The following CDH4 variants were observed in gnomAD, a reference collection of about 807,000 sequenced individuals.
CDH4 encodes cadherin-4.
In CDH4, 33 loss-of-function variants were observed where a neutral mutation model predicts 86.0. The observed-to-expected ratio is 0.38, with a 90% confidence interval of 0.29 to 0.51. The LOEUF is 0.51. Among genes scored for constraint, CDH4 ranks in the 20% least tolerant of loss-of-function variants. The pLI, the probability that CDH4 is intolerant of heterozygous loss-of-function variation, is 0.86. For synonymous variants in CDH4, 555 were observed against 549.4 expected (o/e 1.01, Z -0.14); for missense variants, 1,114 against 1,307.4 (o/e 0.85, Z 2.28).
chr20:61,424,174 C>A (rs1359620190), intron 2 of CDH4, among the ~76,000 whole-genome samples: 1 of 151,522 alleles, frequency 6.6e-6, no homozygotes, highest in African/African-American at 2.4e-5. Flanking sequence ...ACATATGTAT[C>A]CACACATAGC....
intron 15 of CDH4, among the ~76,000 whole-genome samples, chr20:61,935,761 C>T (rs943512960): frequency 9.2e-5 from 14 of 152,172 alleles, no homozygotes; most frequent in Admixed American, 4.6e-4. Flanking sequence ...GTGGCGGGCA[C>T]CTGTAATCCC....
At chr20:61,390,477 A>G (rs148932679) in intron 2 of CDH4, among the ~76,000 whole-genome samples, 261 of 112,098 alleles carry the variant, frequency 2.3e-3, no homozygotes, top group African/African-American at 6.8e-3. Flanking sequence ...TCGTACAGTC[A>G]TAGGGTGCCC....
At position 61,313,238 on chromosome 20, in the gene CDH4, G is replaced by A. The variant is rs147472728; in HGVS notation, c.169+58301G>A. 7.4e-3 allele frequency among the ~76,000 whole-genome samples: 1,129 copies of A among 152,238 alleles called. 6 individuals are homozygous for A. Among genetic ancestry groups the A allele is most frequent in the African/African-American group, 0.025 (1,055 of 41,540 alleles). On this transcript the variant is annotated intron_variant, in intron 2 of 15. Coordinates refer to ENST00000614565, the MANE Select transcript of CDH4 (RefSeq NM_001794.5). ...CCCGAGTGTCTGATGAGGGATTTGC[G>A]GAGTGGTTCAGCATGCTTCACTGTG...
At chr20:61,889,459 GGATGGATGGATA>G (rs1382822066) in intron 7 of CDH4, among the ~76,000 whole-genome samples, 14 of 102,902 alleles carry the variant, frequency 1.4e-4, no homozygotes, top group Middle Eastern at 4.9e-3. Flanking sequence ...ATGGATGGAT[GGATGGATGGATA>G]GATGATGGAT....
At chr20:61,805,631 C>A (rs16985610) in intron 4 of CDH4, among the ~76,000 whole-genome samples, 1 of 152,174 alleles carries the variant, frequency 6.6e-6, no homozygotes, top group African/African-American at 2.4e-5. Context: ...GGGGAGCATT[C>A]GACTGCCTGA....
chr20:61,525,190 G>C (rs971300919), intron 2 of CDH4, among the ~76,000 whole-genome samples: 8 of 152,296 alleles, frequency 5.3e-5, no homozygotes, highest in South Asian at 2.1e-4. Context: ...ATTTAGCTCA[G>C]CTGGAAGGTT....
chr20:61,352,859 C>T (rs1012042507), intron 2 of CDH4, among the ~76,000 whole-genome samples: 7 of 152,112 alleles, frequency 4.6e-5, no homozygotes, highest in Admixed American at 6.5e-5. Flanking sequence ...CCCATCACCC[C>T]GTGCACCTGT....
At chr20:61,904,589 C>T (rs2054768136) in intron 8 of CDH4, among the ~76,000 whole-genome samples, 1 of 152,208 alleles carries the variant, frequency 6.6e-6, no homozygotes, top group South Asian at 2.1e-4. Context: ...TGGGCACCGA[C>T]CCTGTACCAG....
intron 6 of CDH4, among the ~76,000 whole-genome samples, chr20:61,857,592 T>C (rs547459866): frequency 6.6e-6 from 1 of 152,382 alleles, no homozygotes; most frequent in Admixed American, 6.5e-5. Flanking sequence ...TTCGCAGCCC[T>C]CACTCCGTCC....
rs572251590 is a variant in CDH4 at position 61,606,776 on chromosome 20, C to T, written c.170-136787C>T. Among the ~76,000 whole-genome samples the T allele has an allele frequency of 1.9e-4, 29 of 152,354 alleles. No homozygotes were observed. In the East Asian group the frequency reaches 5.0e-3, roughly 26 times the overall value. Reference sequence around the variant, plus strand: ...GGGGTCTAAATGTTGTAAGTGGAAACAAAGCAAATTTCTAATTTGCCTGAG... The same window carrying T: ...GGGGTCTAAATGTTGTAAGTGGAAATAAAGCAAATTTCTAATTTGCCTGAG... On this transcript the variant is annotated intron_variant, in intron 2 of 15. Coordinates refer to ENST00000614565, the MANE Select transcript of CDH4 (RefSeq NM_001794.5).
chr20:61,798,379 TGTGG>T (rs1158933465), intron 4 of CDH4, among the ~76,000 whole-genome samples: 1 of 152,234 alleles, frequency 6.6e-6, no homozygotes. Flanking sequence ...CAGAATGGGC[TGTGG>T]GTCCTCAGCC....
intron 2 of CDH4, among the ~76,000 whole-genome samples, chr20:61,258,339 A>AAAAAAAAAG (rs1555830539): frequency 4.3e-5 from 6 of 139,216 alleles, no homozygotes; most frequent in Non-Finnish European, 7.7e-5. Flanking sequence ...CAAAAAAAAA[A>AAAAAAAAAG]AAAAAAGAAA....
intron 2 of CDH4, among the ~76,000 whole-genome samples, chr20:61,581,452 C>G (rs556910265): frequency 1.3e-5 from 2 of 152,168 alleles, no homozygotes; most frequent in Non-Finnish European, 2.9e-5. Flanking sequence ...TTCCTGGGCT[C>G]CTGGCCCCTC....
At chr20:61,731,145 A>AG (rs2088178012) in intron 2 of CDH4, among the ~76,000 whole-genome samples, 1 of 151,964 alleles carries the variant, frequency 6.6e-6, no homozygotes, top group Non-Finnish European at 1.5e-5. Context: ...GCAGAGCATG[A>AG]GGGCGTCCGA....
Position 61,923,598 on chromosome 20 carries a change from C to T in CDH4, c.1522C>T (p.Pro508Ser). 2 of 1,614,198 alleles carry T rather than the reference C, an allele frequency of 1.2e-6. No homozygotes were observed. Among genetic ancestry groups the T allele is most frequent in the Non-Finnish European group, 1.7e-6 (2 of 1,180,024 alleles). ...GGACATCAACGAGGCTCCCTACTTC[C>T]CCTCAAACCACAAGCTGATCCGCCT... ...IMDINEAPYF[P>S]SNHKLIRLEE... is the part of the protein sequence containing the mutation. The change falls in exon 10 of 16, where the codon CCC becomes TCC. Residue 508 changes from proline to serine, a missense_variant. Around this residue, in one of 3 missense-constraint regions of CDH4, gnomAD observed 705 missense variants for 914.1 expected, o/e 0.77. Coordinates refer to ENST00000614565, the MANE Select transcript of CDH4 (RefSeq NM_001794.5).
intron 5 of CDH4, among the ~76,000 whole-genome samples, chr20:61,848,777 G>T (rs144167833): frequency 6.6e-6 from 1 of 152,062 alleles, no homozygotes; most frequent in Non-Finnish European, 1.5e-5. Flanking sequence ...ATCTGCCTGC[G>T]TCAGCCTCCC....
At chr20:61,891,451 G>A (rs1776253) in intron 7 of CDH4, among the ~76,000 whole-genome samples, 135,556 of 152,302 alleles carry the variant, frequency 0.89, 60,898 homozygotes, top group Non-Finnish European at 0.94. Flanking sequence ...CCCTGCAGGA[G>A]CTCTGAGTGC....
chr20:61,257,719 T>C (rs1451004026), intron 2 of CDH4, among the ~76,000 whole-genome samples: 1 of 152,250 alleles, frequency 6.6e-6, no homozygotes, highest in Non-Finnish European at 1.5e-5. Context: ...TCTGGGGTGA[T>C]GGCTAAGCTG....
At chr20:61,576,967 A>T (rs938560508) in intron 2 of CDH4, among the ~76,000 whole-genome samples, 6 of 152,248 alleles carry the variant, frequency 3.9e-5, no homozygotes, top group African/African-American at 1.4e-4. Flanking sequence ...TGCAGTAGGA[A>T]ATTAAAAAGC....
Sources: gnomAD v4.1 joint callset for allele counts (sites outside exome capture counted in the v4.1 genomes callset) on GRCh38, gnomAD v4.1.1 for gene constraint, gnomAD v4.1.1 regional missense constraint, MANE v1.5 for transcripts, NCBI Gene and HGNC (gene_info 2026-07-23, HGNC 2026-07-21) for gene names.